The following SEPTIN1 variants were observed in gnomAD, a reference collection of about 807,000 sequenced individuals.
The protein encoded by SEPTIN1 is septin 1.
Under a neutral mutation model 50.7 loss-of-function variants are expected in SEPTIN1, and 52 were observed. The ratio of observed to expected loss-of-function variants is 1.03; its 90% CI spans 0.82 to 1.29. The LOEUF is 1.29. Ranked by LOEUF, SEPTIN1 falls within the 50% of genes most tolerant of loss-of-function variation. SEPTIN1 has a pLI of 0.00. For synonymous variants in SEPTIN1, 204 were observed against 189.1 expected (o/e 1.08, Z -0.65); for missense variants, 455 against 490.7 (o/e 0.93, Z 0.69).
Position 30,378,509 on chromosome 16 carries a change from C to T in SEPTIN1, c.1044G>A (p.Met348Ile), listed in dbSNP as rs1239351271. ...CCTGCATCTTCTCCAGCATCTCTTG[C>T]ATGCGGCGCAGCTGTGCAGGGCGAG... ...IREKDEELRRMQEMLEKMQAQ... is the reference protein window; with the variant it reads ...IREKDEELRRIQEMLEKMQAQ... Residue 348 changes from methionine (M) to isoleucine (I), a missense_variant, in exon 11 of 11, where the codon ATG becomes ATA. Met to Ile is a conservative substitution (Grantham distance 10). Coordinates refer to ENST00000321367, the MANE Select transcript of SEPTIN1 (RefSeq NM_001365977.2). 6.3e-7 allele frequency: 1 copy of T among 1,580,984 alleles called. No individual in the cohort carries two copies. Among genetic ancestry groups the T allele is most frequent in the Non-Finnish European group, 8.6e-7 (1 of 1,163,340 alleles).
In SEPTIN1 at chr16:30,379,992, C is replaced by T. The variant is rs1174673089; in HGVS notation, c.615G>A (p.Gln205=). 2.5e-6 allele frequency: 4 copies of T among 1,612,224 alleles called. No homozygotes were observed. Among genetic ancestry groups the T allele is most frequent in the Non-Finnish European group, 3.4e-6 (4 of 1,178,608 alleles). ...CTTCATCAGAGTCACATTCGGGGAACTGGTAGATGTGGATCTCCTCTTCCT... is the reference window on the plus strand; with the variant it reads ...CTTCATCAGAGTCACATTCGGGGAATTGGTAGATGTGGATCTCCTCTTCCT... The part of the protein sequence containing the change: ...QLKEEEIHIY[Q]FPECDSDEDE... Residue 205 remains glutamine, a synonymous_variant, in exon 7 of 11, where the codon CAG becomes CAA. Transcript: ENST00000321367.
chr16:30,378,982 C>G (rs763173561), intron 9 of SEPTIN1, 36 bp downstream of exon 9: 2 of 1,595,160 alleles, frequency 1.3e-6, no homozygotes, highest in Middle Eastern at 1.7e-4. Flanking sequence ...GAGGCGGGAC[C>G]TTGGAGGCTC....
chr16:30,381,679 C>A lies in SEPTIN1; in HGVS notation c.320+81G>T. On this transcript the variant is annotated intron_variant, in intron 4 of 10. Coordinates refer to ENST00000321367, the MANE Select transcript of SEPTIN1 (RefSeq NM_001365977.2). This position sits in a 1 kb window ranked among gnomAD's most constrained non-coding sequence, Gnocchi z 4.3. Reference sequence around the variant, plus strand: ...AGACACCACCTTTTGAGATAGGGAGCCAGCACAAACCAGTCCTGTAACTCT... The same window carrying A: ...AGACACCACCTTTTGAGATAGGGAGACAGCACAAACCAGTCCTGTAACTCT... The A allele has an allele frequency of 6.4e-7, 1 of 1,571,000 alleles. No individual in the cohort carries two copies. Among genetic ancestry groups the A allele is most frequent in the Non-Finnish European group, 8.6e-7 (1 of 1,158,334 alleles).
At position 30,380,068 on chromosome 16, in the gene SEPTIN1, G is replaced by A. The variant is rs748507949; in HGVS notation, c.574-35C>T. 1.9e-5 allele frequency: 29 copies of A among 1,554,840 alleles called. No individual in the cohort carries two copies. In the Admixed American group the frequency reaches 3.3e-4, roughly 18 times the overall value. On this transcript the variant is annotated intron_variant, in intron 6 of 10. Coordinates refer to ENST00000321367, the MANE Select transcript of SEPTIN1 (RefSeq NM_001365977.2). ...AACAGATATAGAGACAGTGTGAAAC[G>A]GGCCACAATGACAGACATTTCATGA...
chr16:30,382,440 G>T lies in SEPTIN1; in HGVS notation c.19-75C>A. Reference sequence around the variant, plus strand: ...TCCCCAGGATCACTTGAGTTCCTGGGCTAGGAAGAGTCAGTGGGGTCTGGG... The same window carrying T: ...TCCCCAGGATCACTTGAGTTCCTGGTCTAGGAAGAGTCAGTGGGGTCTGGG... On this transcript the variant is annotated intron_variant, in intron 1 of 10. Coordinates refer to ENST00000321367, the MANE Select transcript of SEPTIN1 (RefSeq NM_001365977.2). This position sits in a 1 kb window ranked among gnomAD's most constrained non-coding sequence, Gnocchi z 4.8. 1 of 1,568,428 alleles carries T rather than the reference G, an allele frequency of 6.4e-7. No homozygotes were observed. The highest frequency in any genetic ancestry group is 8.7e-7 in the Non-Finnish European group (1 of 1,145,938).
chr16:30,382,510 G>T lies in SEPTIN1; in HGVS notation c.18+15C>A. The T allele has an allele frequency of 6.3e-7, 1 of 1,597,340 alleles. No homozygotes were observed. Among genetic ancestry groups the T allele is most frequent in the South Asian group, 1.1e-5 (1 of 88,912 alleles). ...GGGGGCCGAGATGCCCAGGTTTCTG[G>T]GTGTAAGGACTCACCATGACTCCGC... On this transcript the variant is annotated intron_variant, in intron 1 of 10. Coordinates refer to ENST00000321367, the MANE Select transcript of SEPTIN1 (RefSeq NM_001365977.2). The surrounding 1 kb of genome is among the most constrained non-coding windows in gnomAD (Gnocchi z 4.8).
At position 30,382,128 on chromosome 16, in the gene SEPTIN1, T is replaced by C; in HGVS notation, c.161A>G (p.Asn54Ser). The C allele has an allele frequency of 6.3e-7, 1 of 1,589,234 alleles. No homozygotes were observed. The highest frequency in any genetic ancestry group is 8.6e-7 in the Non-Finnish European group (1 of 1,167,652). ...TGGCACCTGGCGATCCTCATAGAGG[T>C]TGGTGAGGAAGAGGCTGTTGATGAG... is the stretch of plus-strand genomic sequence containing the variant. The part of the protein sequence containing the change: ...STLINSLFLT[N>S]LYEDRQVPEA... The change falls in exon 3 of 11, where the codon AAC (asparagine) becomes AGC (serine). Residue 54 changes from asparagine to serine, a missense_variant. Physicochemically the swap from Asn to Ser is conservative, Grantham distance 46. Transcript: ENST00000321367. This position sits in a 1 kb window ranked among gnomAD's most constrained non-coding sequence, Gnocchi z 4.8.
chr16:30,379,732 G>A (rs1019814784), intron 7 of SEPTIN1, 198 bp from the exon 8 acceptor site: 16 of 534,136 alleles, frequency 3.0e-5, no homozygotes, highest in Admixed American at 7.8e-5. Context: ...TCAGCCTCCC[G>A]AGTAGCTGGA....
In SEPTIN1 at chr16:30,379,031, G is replaced by A; in HGVS notation, c.928C>T (p.Arg310Ter). ...CCCGGGTCTCACCTGCGGCTGGCTC[G>A]ATCGCGAGCCCCAGGCCGGGCCAGG... ...QSLARPGARDRASRSKLSRQS... is the reference protein window; with the variant it reads ...QSLARPGARD The change falls in exon 9 of 11, where the codon CGA (arginine) becomes TGA (stop). Residue 310 changes from arginine (R) to a stop codon, truncating the protein, a stop_gained. Transcript: ENST00000321367. LOFTEE classifies it high-confidence loss of function. 6.2e-7 allele frequency: 1 copy of A among 1,612,784 alleles called. No homozygotes were observed. Among genetic ancestry groups the A allele is most frequent in the Non-Finnish European group, 8.5e-7 (1 of 1,179,820 alleles).
At chr16:30,379,298 C>A in intron 8 of SEPTIN1, 115 bp from the exon 9 acceptor site, 1 of 1,479,202 alleles carries the variant, frequency 6.8e-7, no homozygotes, top group South Asian at 1.2e-5. Flanking sequence ...GGTCCGCGGT[C>A]TGCAGCCCAG....
At chr16:30,379,404 G>T in intron 8 of SEPTIN1, 31 bp downstream of exon 8, 1 of 1,586,262 alleles carries the variant, frequency 6.3e-7, no homozygotes. Flanking sequence ...GCTCCCTGCT[G>T]GCCTTAGGAC....
chr16:30,380,797 CGA>C, intron 6 of SEPTIN1: 1 of 333,784 alleles, frequency 3.0e-6, no homozygotes, highest in Non-Finnish European at 5.6e-6. Flanking sequence ...AAAGAGAGGC[CGA>C]GAGAGATATA....
At position 30,379,936 on chromosome 16, in the gene SEPTIN1, A is replaced by G. The variant is rs781382505; in HGVS notation, c.671T>C (p.Met224Thr). 1.3e-6 allele frequency: 2 copies of G among 1,519,794 alleles called. No homozygotes were observed. The highest frequency in any genetic ancestry group is 1.1e-5 in the South Asian group (1 of 88,784). The allele number at this position is 1,519,794 out of a possible 1,614,324, so 94.1% of individuals were successfully genotyped here. A position where few individuals can be genotyped will look rare whatever the true frequency, so the allele number is the denominator to read the frequency against. Residue 224 changes from methionine to threonine, a missense_variant, in exon 7 of 11, where the codon ATG becomes ACG. Coordinates refer to ENST00000321367, the MANE Select transcript of SEPTIN1 (RefSeq NM_001365977.2). ...DEDFKRQDAE[M>T]KESIPFAVVG... ...TTCCTTCTTTGTTTCCCACACCTTC[A>G]TCTCTGCATCCTGCCTCTTGAAGTC...
At chr16:30,382,648 A>G, upstream of SEPTIN1, 1 of 1,539,342 alleles carries the variant, frequency 6.5e-7, no homozygotes, top group Non-Finnish European at 8.7e-7. This position sits in a 1 kb window ranked among gnomAD's most constrained non-coding sequence, Gnocchi z 4.8. Flanking sequence ...AAACTGGCCC[A>G]GTCCCAGAGA....
At position 30,381,935 on chromosome 16, in the gene SEPTIN1, A is replaced by T. The variant is rs751053673; in HGVS notation, c.197-52T>A. 1 of 1,610,804 alleles carries T rather than the reference A, an allele frequency of 6.2e-7. No homozygotes were observed. Among genetic ancestry groups the T allele is most frequent in the Non-Finnish European group, 8.5e-7 (1 of 1,178,450 alleles). ...TCCGGGGAGGCTCTGAGGCAGAATT[A>T]ATTTCCTTTGTCAATATCACAGTTG... is the stretch of plus-strand genomic sequence containing the variant. On this transcript the variant is annotated intron_variant, in intron 3 of 10. Coordinates refer to ENST00000321367, the MANE Select transcript of SEPTIN1 (RefSeq NM_001365977.2). This position sits in a 1 kb window ranked among gnomAD's most constrained non-coding sequence, Gnocchi z 4.3.
chr16:30,382,561 TC>T, upstream of SEPTIN1: 1 of 1,585,804 alleles, frequency 6.3e-7, no homozygotes. The surrounding 1 kb of genome is among the most constrained non-coding windows in gnomAD (Gnocchi z 4.8). Flanking sequence ...CTGCCGTCTC[TC>T]CCCACTTCCT....
chr16:30,379,435 C>T lies in SEPTIN1; in HGVS notation c.775G>A (p.Val259Met), dbSNP rs1389387734. Residue 259 changes from valine (V) to methionine (M), a missense_variant and splice_region_variant, in exon 8 of 11, where the codon GTG (valine) becomes ATG (methionine). By Grantham distance (21) the Val-to-Met change is conservative (BLOSUM62 1). Transcript: ENST00000321367. ...AGGACCCCTGCCTGGCCTCACTCAC[C>T]CTCCACGGTCCCCCAGGAGTAGCGG... ...GRRYSWGTVE[V>M]ENPHHCDFLN... The T allele has an allele frequency of 6.2e-7, 1 of 1,613,084 alleles. No homozygotes were observed. Among genetic ancestry groups the T allele is most frequent in the Non-Finnish European group, 8.5e-7 (1 of 1,179,364 alleles).
chr16:30,378,790 G>T (rs1015817631), intron 9 of SEPTIN1, 90 bp from the exon 10 acceptor site: 1 of 1,298,406 alleles, frequency 7.7e-7, no homozygotes, highest in Non-Finnish European at 1.1e-6. Flanking sequence ...GCGAGGTTGG[G>T]GTCTAGGAGG....
At position 30,381,821 on chromosome 16, in the gene SEPTIN1, T is replaced by G; in HGVS notation, c.259A>C (p.Lys87Gln). The G allele has an allele frequency of 1.2e-6, 2 of 1,614,138 alleles. No homozygotes were observed. The highest frequency in any genetic ancestry group is 1.7e-6 in the Non-Finnish European group (2 of 1,180,022). ...GTGTCCACAAGGGTCAGCTTCACTT[T>G]CACACCCCCTTCCTCAATCTCTACG... ...RGVEIEEGGV[K>Q]VKLTLVDTPG... is the part of the protein sequence containing the mutation. Residue 87 changes from lysine (K) to glutamine (Q), a missense_variant, in exon 4 of 11, where the codon AAA becomes CAA. By Grantham distance (53) the Lys-to-Gln change is moderately conservative. Coordinates refer to ENST00000321367, the MANE Select transcript of SEPTIN1 (RefSeq NM_001365977.2). This position sits in a 1 kb window ranked among gnomAD's most constrained non-coding sequence, Gnocchi z 4.3.
Sources: allele counts gnomAD v4.1 joint callset, GRCh38; gene constraint gnomAD v4.1.1; non-coding constraint Gnocchi (gnomAD v3.1); transcripts MANE v1.5; gene names NCBI Gene and HGNC (gene_info 2026-07-23, HGNC 2026-07-21).